Variants in SLC39A11 observed in about 807,000 individuals in gnomAD.
SLC39A11 encodes the protein zinc transporter ZIP11.
Under a neutral mutation model 36.1 loss-of-function variants are expected in SLC39A11, and 33 were observed. That is an observed-to-expected ratio of 0.91 (90% CI 0.69 to 1.22). The LOEUF is 1.22. Among genes scored for constraint, SLC39A11 ranks in the 50% most tolerant of loss-of-function variants. SLC39A11 has a pLI of 0.00. For missense variants in SLC39A11, 432 were observed against 430.3 expected (o/e 1.00, Z -0.03); for synonymous variants, 166 against 170.3 (o/e 0.97, Z 0.20).
At chr17:72,949,986 CA>C (rs1568006539) in intron 4 of SLC39A11, among the ~76,000 whole-genome samples, 5 of 150,416 alleles carry the variant, frequency 3.3e-5, no homozygotes, top group Non-Finnish European at 5.9e-5. Context: ...CACACACACA[CA>C]CACACACACC....
chr17:72,943,735 G>C (rs1048833069), intron 5 of SLC39A11, among the ~76,000 whole-genome samples: 1 of 152,216 alleles, frequency 6.6e-6, no homozygotes, highest in African/African-American at 2.4e-5. Context: ...ATTCTCCTAT[G>C]CTAATAGACC....
At chr17:72,994,802 T>C (rs956242066) in intron 4 of SLC39A11, among the ~76,000 whole-genome samples, 1 of 152,212 alleles carries the variant, frequency 6.6e-6, no homozygotes, top group East Asian at 1.9e-4. Context: ...TCAAATCAAA[T>C]GCCCTATACG....
chr17:72,854,913 G>C (rs919372029), intron 5 of SLC39A11, among the ~76,000 whole-genome samples: 1 of 152,180 alleles, frequency 6.6e-6, no homozygotes, highest in Non-Finnish European at 1.5e-5. Context: ...CCAAAACAAA[G>C]GACATGATTG....
At position 72,651,073 on chromosome 17, in the gene SLC39A11, T is replaced by A. The variant is rs140546594; in HGVS notation, c.672-1805A>T. On this transcript the variant is annotated intron_variant, in intron 7 of 9. Coordinates refer to ENST00000255559, the MANE Select transcript of SLC39A11 (RefSeq NM_139177.4). ...TAGTTCCAGATACCTCAGGAAGAAGTAGCCCCCACCTCGAGTCTGCCAGTC... is the reference window on the plus strand; with the variant it reads ...TAGTTCCAGATACCTCAGGAAGAAGAAGCCCCCACCTCGAGTCTGCCAGTC... Among the ~76,000 whole-genome samples the A allele has an allele frequency of 3.3e-4, 50 of 152,294 alleles. No individual in the cohort carries two copies. The East Asian group carries it at 6.9e-3, about 21-fold the overall frequency.
At position 72,670,214 on chromosome 17, in the gene SLC39A11, T is replaced by C. The variant is rs144948600; in HGVS notation, c.672-20946A>G. Among the ~76,000 whole-genome samples, 267 of 84,322 alleles carry C rather than the reference T, an allele frequency of 3.2e-3. 4 individuals carry two copies. The highest frequency in any genetic ancestry group is 0.012 in the East Asian group (34 of 2,846). The allele number at this position is 84,322 out of a possible 152,430, so 55.3% of individuals were successfully genotyped here. A position where few individuals can be genotyped will look rare whatever the true frequency, so the allele number is the denominator to read the frequency against. Reference sequence around the variant, plus strand: ...ACACACACACACACACACACACACATATATATATATGCCAGGCATGGTGGC... The same window carrying C: ...ACACACACACACACACACACACACACATATATATATGCCAGGCATGGTGGC... On this transcript the variant is annotated intron_variant, in intron 7 of 9. Transcript: ENST00000255559.
chr17:72,978,073 C>T (rs911514662), intron 4 of SLC39A11, among the ~76,000 whole-genome samples: 3 of 152,352 alleles, frequency 2.0e-5, no homozygotes, highest in Admixed American at 1.3e-4. Context: ...TCTTCCAGGC[C>T]GTCCTCCAGC....
intron 5 of SLC39A11, among the ~76,000 whole-genome samples, chr17:72,925,905 A>C (rs906084946): frequency 1.3e-5 from 2 of 152,238 alleles, no homozygotes; most frequent in Non-Finnish European, 2.9e-5. Flanking sequence ...TGGAAGCAAA[A>C]TAAACCTTCA....
chr17:72,836,249 C>T (rs923289515), intron 6 of SLC39A11, among the ~76,000 whole-genome samples: 7 of 152,080 alleles, frequency 4.6e-5, no homozygotes, highest in Admixed American at 2.0e-4. Flanking sequence ...GTGTGATCCA[C>T]GGGAAGAAAA....
chr17:72,840,378 A>G lies in SLC39A11; in HGVS notation c.601+9256T>C, dbSNP rs533994956. Among the ~76,000 whole-genome samples the G allele has an allele frequency of 1.3e-5, 2 of 152,354 alleles. 1 individual carries two copies. ...CTCTGGACCTTTAAAATAATTTCAA[A>G]CACAAAAGGCAGCAAGAGTCTGCCA... On this transcript the variant is annotated intron_variant, in intron 6 of 9. Transcript: ENST00000255559.
chr17:72,839,105 A>C (rs2078695593), intron 6 of SLC39A11: 1 of 152,246 alleles, frequency 6.6e-6, no homozygotes, highest in African/African-American at 2.4e-5. Context: ...GATGGGAAAT[A>C]AGGATGACAC....
At chr17:72,687,131 A>G (rs1476949483) in intron 7 of SLC39A11, among the ~76,000 whole-genome samples, 1 of 151,948 alleles carries the variant, frequency 6.6e-6, no homozygotes, top group Non-Finnish European at 1.5e-5. Flanking sequence ...GGCTCAAGCC[A>G]TCTTCCCACT....
intron 6 of SLC39A11, among the ~76,000 whole-genome samples, chr17:72,794,571 G>A (rs2076829133): frequency 6.6e-6 from 1 of 151,782 alleles, no homozygotes; most frequent in Non-Finnish European, 1.5e-5. Flanking sequence ...GCCACTCCCT[G>A]CTCCCTCCTT....
chr17:72,809,183 ATCT>A (rs1324984452), intron 6 of SLC39A11, among the ~76,000 whole-genome samples: 1 of 139,626 alleles, frequency 7.2e-6, no homozygotes, highest in Admixed American at 7.3e-5. Context: ...GGCTTAGATC[ATCT>A]TCTTTCTTTT....
intron 6 of SLC39A11, among the ~76,000 whole-genome samples, chr17:72,756,564 G>C (rs144448175): frequency 6.6e-6 from 1 of 152,210 alleles, no homozygotes; most frequent in Non-Finnish European, 1.5e-5. Flanking sequence ...TTCCACTTAC[G>C]TGAAGTACTT....
chr17:72,915,932 A>G (rs1370118591), intron 5 of SLC39A11, among the ~76,000 whole-genome samples: 2 of 152,222 alleles, frequency 1.3e-5, no homozygotes, highest in Non-Finnish European at 2.9e-5. Context: ...ACCATATGCC[A>G]AAGTCTGGTG....
intron 6 of SLC39A11, among the ~76,000 whole-genome samples, chr17:72,749,039 T>C (rs898220025): frequency 1.3e-5 from 2 of 152,044 alleles, no homozygotes; most frequent in Non-Finnish European, 2.9e-5. Flanking sequence ...ACCAAGGGAG[T>C]TGTTAGTTTT....
intron 3 of SLC39A11, among the ~76,000 whole-genome samples, chr17:73,039,703 G>C (rs1002162094): frequency 7.9e-5 from 12 of 152,142 alleles, no homozygotes; most frequent in Non-Finnish European, 1.5e-4. Context: ...TCATGGGTGT[G>C]GAAAAGGGCC....
intron 5 of SLC39A11, among the ~76,000 whole-genome samples, chr17:72,936,750 G>C (rs1027100027): frequency 1.6e-5 from 2 of 127,986 alleles, no homozygotes; most frequent in Non-Finnish European, 3.3e-5. Context: ...TAGGAGGTGG[G>C]GGGTAGGGGG....
At chr17:72,817,477 T>A (rs2077622528) in intron 6 of SLC39A11, among the ~76,000 whole-genome samples, 1 of 151,986 alleles carries the variant, frequency 6.6e-6, no homozygotes, top group Admixed American at 6.6e-5. Flanking sequence ...TCCACCCTCA[T>A]GACCCAAGCA....
Sources: allele counts gnomAD v4.1 joint callset (sites outside exome capture counted in the v4.1 genomes callset), GRCh38; gene constraint gnomAD v4.1.1; transcripts MANE v1.5; gene names NCBI Gene and HGNC (gene_info 2026-07-23, HGNC 2026-07-21).